Variants in TMIE observed in about 807,000 individuals in gnomAD.
TMIE encodes transmembrane inner ear expressed protein.
Under a neutral mutation model 16.8 loss-of-function variants are expected in TMIE, and 14 were observed. That is an observed-to-expected ratio of 0.83 (90% CI 0.55 to 1.30). The LOEUF (loss-of-function observed/expected upper bound fraction) is 1.30, where lower values mean the gene tolerates loss of function less well. Among genes scored for constraint, TMIE ranks in the 50% most tolerant of loss-of-function variants. The pLI is 0.00. For missense variants in TMIE, 204 were observed against 205.9 expected, an observed-to-expected ratio of 0.99 and a Z score of 0.06; for synonymous variants, 75 against 87.2, an observed-to-expected ratio of 0.86 and a Z score of 0.78.
At chr3:46,694,822 G>A (rs754093118) in intron 1 of TMIE, among the ~76,000 whole-genome samples, 3 of 152,056 alleles carry the variant, frequency 2.0e-5, no homozygotes, top group Non-Finnish European at 4.4e-5. Context: ...CTGCAGAGCC[G>A]CCCCTTCCTG....
upstream of TMIE, among the ~76,000 whole-genome samples, chr3:46,696,907 TATG>T (rs1275011150): frequency 6.6e-6 from 1 of 152,010 alleles, no homozygotes; most frequent in Admixed American, 6.5e-5. Flanking sequence ...CAACCCCAGA[TATG>T]ATGGGCCCAA....
At chr3:46,704,532 G>GTGTCCCCTAGACGCCCAGGGGAGGACCA (rs1559496039) in intron 1 of TMIE, among the ~76,000 whole-genome samples, 4 of 112,854 alleles carry the variant, frequency 3.5e-5, no homozygotes, top group Non-Finnish European at 7.2e-5. Flanking sequence ...GGGCAGGACC[G>GTGTCCCCTAGACGCCCAGGGGAGGACCA]TGTCCCCTAG....
rs1700476846 is a variant in TMIE at position 46,701,542 on chromosome 3, G to A, written c.55G>A (p.Gly19Arg). 13 of 1,296,912 alleles carry A rather than the reference G, an allele frequency of 1.0e-5. 1 individual carries two copies. The highest frequency in any genetic ancestry group is 2.4e-4 in the Middle Eastern group (1 of 4,152). The allele number at this position is 1,296,912 out of a possible 1,614,324, so 80.3% of individuals were successfully genotyped here. A position where few individuals can be genotyped will look rare whatever the true frequency, so the allele number is the denominator to read the frequency against. ...PLCVLGGAAL[G>R]VCLAGVAGQL... Reference sequence around the variant, plus strand: ...CTGCGTGCTGGGCGGCGCCGCACTCGGGGTGTGCCTCGCGGGGGTTGCCGG... The same window carrying A: ...CTGCGTGCTGGGCGGCGCCGCACTCAGGGTGTGCCTCGCGGGGGTTGCCGG... The change falls in exon 1 of 4, where the codon GGG becomes AGG. Residue 19 changes from glycine to arginine, a missense_variant. Gly to Arg is a moderately radical substitution (Grantham distance 125, BLOSUM62 -2). Coordinates refer to ENST00000643606, the MANE Select transcript of TMIE (RefSeq NM_147196.3). This position sits in a 1 kb window ranked among gnomAD's most constrained non-coding sequence, Gnocchi z 4.3.
chr3:46,705,656 G>A (rs761750434), intron 1 of TMIE, 134 bp from the exon 2 acceptor site: 17 of 764,324 alleles, frequency 2.2e-5, no homozygotes, highest in Middle Eastern at 7.0e-4. Flanking sequence ...TGTTGGTAGT[G>A]CATGCTTAAG....
intron 1 of TMIE, among the ~76,000 whole-genome samples, chr3:46,695,133 G>A (rs1040556000): frequency 2.6e-5 from 4 of 152,162 alleles, no homozygotes; most frequent in African/African-American, 4.8e-5. Flanking sequence ...GTTGGCCTGC[G>A]GGACTGTCTG....
chr3:46,705,991 T>G, intron 2 of TMIE, 84 bp downstream of exon 2: 2 of 1,420,548 alleles, frequency 1.4e-6, no homozygotes, highest in Non-Finnish European at 9.9e-7. Flanking sequence ...AGAGCAGCAA[T>G]TCCGGGCAGT....
At chr3:46,709,024 G>A in intron 2 of TMIE, 102 bp from the exon 3 acceptor site, 1 of 1,483,320 alleles carries the variant, frequency 6.7e-7, no homozygotes, top group Non-Finnish European at 9.3e-7. Context: ...TGGTGGGTGA[G>A]ACACATGTGG....
chr3:46,698,819 TTTTTC>T (rs1164110566), upstream of TMIE, among the ~76,000 whole-genome samples: 3 of 152,054 alleles, frequency 2.0e-5, no homozygotes, highest in Non-Finnish European at 4.4e-5. Context: ...CCTAAGTTTC[TTTTTC>T]TTTTCTTTTC....
At chr3:46,697,201 G>A (rs1211489019), upstream of TMIE, among the ~76,000 whole-genome samples, 9 of 152,124 alleles carry the variant, frequency 5.9e-5, no homozygotes. Flanking sequence ...CCCTTGTTAC[G>A]GTCTTTGGCT....
Position 46,709,711 on chromosome 3 carries a change from T to G in TMIE, c.*23T>G. On this transcript the variant is annotated 3_prime_UTR_variant, in exon 4 of 4. Transcript: ENST00000643606. ...TGAAGACATCCTGGGCAGCTTGGGC[T>G]GGCGGGCCCTGGAGCTCAAGCCGTG... 6.2e-7 allele frequency: 1 copy of G among 1,613,602 alleles called. No homozygotes were observed. The highest frequency in any genetic ancestry group is 8.5e-7 in the Non-Finnish European group (1 of 1,179,868).
upstream of TMIE, among the ~76,000 whole-genome samples, chr3:46,699,198 G>A (rs188449570): frequency 4.3e-3 from 642 of 150,266 alleles, 7 homozygotes; most frequent in Admixed American, 0.033. Flanking sequence ...TCAGCCTCAC[G>A]AGTAGCTGGG....
rs754223807 is a variant in TMIE, at chr3:46,709,708, G to A, written c.*20G>A. On this transcript the variant is annotated 3_prime_UTR_variant, in exon 4 of 4. Coordinates refer to ENST00000643606, the MANE Select transcript of TMIE (RefSeq NM_147196.3). ...AAATGAAGACATCCTGGGCAGCTTG[G>A]GCTGGCGGGCCCTGGAGCTCAAGCC... 1.9e-6 allele frequency: 3 copies of A among 1,613,600 alleles called. No individual in the cohort carries two copies. The highest frequency in any genetic ancestry group is 2.5e-6 in the Non-Finnish European group (3 of 1,179,924).
At position 46,705,888 on chromosome 3, in the gene TMIE, G is replaced by A. The variant is rs367618669; in HGVS notation, c.192G>A (p.Ser64=). The change falls in exon 2 of 4, where the codon TCG becomes TCA. Residue 64 remains serine, a synonymous_variant. Transcript: ENST00000643606. ...TGTGGCACGTGGTGGGCATCTTTTC[G>A]CTCTTCGTGTTGTCCATCAGTGAGT... The part of the protein sequence containing the change: ...MRLWHVVGIF[S]LFVLSIIITL... 44 of 1,613,962 alleles carry A rather than the reference G, an allele frequency of 2.7e-5. No individual in the cohort carries two copies. Among genetic ancestry groups the A allele is most frequent in the Non-Finnish European group, 3.6e-5 (43 of 1,180,024 alleles).
intron 2 of TMIE, among the ~76,000 whole-genome samples, chr3:46,708,607 T>C (rs560273920): frequency 6.6e-6 from 1 of 152,362 alleles, no homozygotes; most frequent in Non-Finnish European, 1.5e-5. Flanking sequence ...TGCCCTCTCA[T>C]GGGCTCCCGC....
chr3:46,704,144 G>T (rs1700511790), intron 1 of TMIE, among the ~76,000 whole-genome samples: 1 of 151,976 alleles, frequency 6.6e-6, no homozygotes, highest in African/African-American at 2.4e-5. Flanking sequence ...AGACACCCAG[G>T]GCAGGACCGT....
chr3:46,708,393 C>CT (rs760231476), intron 2 of TMIE, among the ~76,000 whole-genome samples: 1 of 152,210 alleles, frequency 6.6e-6, no homozygotes, highest in Non-Finnish European at 1.5e-5. Context: ...TCCTCTAGGG[C>CT]TGGGGCCAAG....
In TMIE at chr3:46,709,737, G is replaced by A. The variant is rs1189895277; in HGVS notation, c.*49G>A. The A allele has an allele frequency of 1.2e-6, 2 of 1,611,424 alleles. No individual in the cohort carries two copies. Among genetic ancestry groups the A allele is most frequent in the Non-Finnish European group, 1.7e-6 (2 of 1,178,984 alleles). ...GGCGGGCCCTGGAGCTCAAGCCGTG[G>A]CCGGGGTCCAGGCATGTTGGACTCT... is the stretch of plus-strand genomic sequence containing the variant. On this transcript the variant is annotated 3_prime_UTR_variant, in exon 4 of 4. Transcript: ENST00000643606.
rs1700483301 is a variant in TMIE at position 46,701,981 on chromosome 3, T to A, written c.93+401T>A. Among the ~76,000 whole-genome samples, 3 of 152,138 alleles carry A rather than the reference T, an allele frequency of 2.0e-5. No homozygotes were observed. The highest frequency in any genetic ancestry group is 2.0e-4 in the Admixed American group (3 of 15,276). ...TGGGTTTCCTGGACCTCTAGTCTGA[T>A]GGAACAGACCCTGAATTTAGGGTCT... On this transcript the variant is annotated intron_variant, in intron 1 of 3. Transcript: ENST00000643606. This position sits in a 1 kb window ranked among gnomAD's most constrained non-coding sequence, Gnocchi z 4.3.
At chr3:46,706,511 G>T (rs972537661) in intron 2 of TMIE, among the ~76,000 whole-genome samples, 2 of 152,204 alleles carry the variant, frequency 1.3e-5, no homozygotes, top group Non-Finnish European at 2.9e-5. Context: ...TTGGGGAAGG[G>T]GACAGAAAGG....
Sources: allele counts gnomAD v4.1 joint callset (sites outside exome capture counted in the v4.1 genomes callset), GRCh38; gene constraint gnomAD v4.1.1; non-coding constraint Gnocchi (gnomAD v3.1); transcripts MANE v1.5; gene names NCBI Gene and HGNC (gene_info 2026-07-23, HGNC 2026-07-21).